The following WNT3 variants were observed in gnomAD, a reference collection of about 807,000 sequenced individuals.
The protein encoded by WNT3 is Wnt family member 3, also known as proto-oncogene Wnt-3.
Under a neutral mutation model 34.2 loss-of-function variants are expected in WNT3, and 7 were observed. The ratio of observed to expected loss-of-function variants is 0.20; its 90% confidence interval spans 0.12 to 0.38. The LOEUF (loss-of-function observed/expected upper bound fraction) is 0.38. WNT3 is among the 10% of genes least tolerant of loss of function. WNT3 has a pLI of 1.00. For synonymous variants in WNT3, 212 were observed against 211.5 expected (o/e 1.00, Z -0.02); for missense variants, 267 against 499.8 (o/e 0.53, Z 4.44).
intron 1 of WNT3, among the ~76,000 whole-genome samples, chr17:46,781,845 T>C (rs2059464414): frequency 6.6e-6 from 1 of 152,212 alleles, no homozygotes; most frequent in Non-Finnish European, 1.5e-5. Flanking sequence ...CCTCTTCCTC[T>C]ATACGGGAAG....
intron 1 of WNT3, among the ~76,000 whole-genome samples, chr17:46,804,353 C>G (rs1486572560): frequency 6.6e-6 from 1 of 152,202 alleles, no homozygotes; most frequent in African/African-American, 2.4e-5. Context: ...TCCCAAAGTG[C>G]TGGGACTACA....
At chr17:46,765,598 G>A (rs894605869) in intron 4 of WNT3, among the ~76,000 whole-genome samples, 5 of 152,226 alleles carry the variant, frequency 3.3e-5, no homozygotes, top group Non-Finnish European at 7.3e-5. Flanking sequence ...AACAGCTAAC[G>A]ACTCTGTCCC....
intron 1 of WNT3, among the ~76,000 whole-genome samples, chr17:46,779,053 TCA>T (rs56965619): frequency 0.012 from 1,166 of 100,640 alleles, 11 homozygotes; most frequent in Middle Eastern, 0.028. Flanking sequence ...CCCTACCCCA[TCA>T]CACACACACA....
At position 46,769,960 on chromosome 17, in the gene WNT3, G is replaced by T; in HGVS notation, c.411C>A (p.Thr137=). The T allele has an allele frequency of 1.2e-6, 2 of 1,612,902 alleles. No homozygotes were observed. The highest frequency in any genetic ancestry group is 8.5e-7 in the Non-Finnish European group (1 of 1,179,696). Residue 137 remains threonine (T), a synonymous_variant, in exon 3 of 5, where the codon ACC becomes ACA. Coordinates refer to ENST00000225512, the MANE Select transcript of WNT3 (RefSeq NM_030753.5). ...VTRSCAEGTS[T]ICGCDSHHKG... is the part of the protein sequence containing the mutation. Reference sequence around the variant, plus strand: ...TATGATGCGAGTCACAGCCGCAAATGGTGGAGGTGCCCTCGGCGCAGGAGC... The same window carrying T: ...TATGATGCGAGTCACAGCCGCAAATTGTGGAGGTGCCCTCGGCGCAGGAGC...
chr17:46,803,553 A>C (rs1015628234), intron 1 of WNT3, among the ~76,000 whole-genome samples: 2 of 152,196 alleles, frequency 1.3e-5, no homozygotes, highest in African/African-American at 4.8e-5. Context: ...AAAGTTAAAC[A>C]ATCATTCTAT....
intron 4 of WNT3, among the ~76,000 whole-genome samples, chr17:46,764,880 G>A (rs2146364077): frequency 6.6e-6 from 1 of 152,338 alleles, no homozygotes; most frequent in Non-Finnish European, 1.5e-5. Flanking sequence ...ACCTCTAGCT[G>A]AGGGCCTTGG....
At chr17:46,790,571 C>T (rs2083971864) in intron 1 of WNT3, among the ~76,000 whole-genome samples, 1 of 152,164 alleles carries the variant, frequency 6.6e-6, no homozygotes, top group African/African-American at 2.4e-5. Flanking sequence ...TCCCCCTGGG[C>T]CCCACCTCCT....
intron 1 of WNT3, among the ~76,000 whole-genome samples, chr17:46,809,319 T>C (rs1390957796): frequency 6.6e-6 from 1 of 152,168 alleles, no homozygotes; most frequent in Non-Finnish European, 1.5e-5. Context: ...CAAGCCCTAT[T>C]TGCATTCCTA....
chr17:46,785,893 G>A (rs1371527199), intron 1 of WNT3, among the ~76,000 whole-genome samples: 11 of 152,188 alleles, frequency 7.2e-5, no homozygotes, highest in African/African-American at 2.7e-4. Flanking sequence ...GGGCTGGAAT[G>A]TTGCAGCTTC....
chr17:46,806,924 G>T (rs1285847626), intron 1 of WNT3, among the ~76,000 whole-genome samples: 1 of 152,198 alleles, frequency 6.6e-6, no homozygotes, highest in East Asian at 1.9e-4. Context: ...GAGAGGGTGG[G>T]TGCTACCTGG....
intron 1 of WNT3, among the ~76,000 whole-genome samples, chr17:46,816,115 A>ACACACACACACACACACGCACG (rs1555689259): frequency 3.8e-5 from 1 of 26,346 alleles, no homozygotes; most frequent in South Asian, 3.5e-3. Context: ...GCGCACGTAC[A>ACACACACACACACACACGCACG]CACACACACA....
chr17:46,785,738 A>G (rs1651797908), intron 1 of WNT3, among the ~76,000 whole-genome samples: 1 of 152,088 alleles, frequency 6.6e-6, no homozygotes, highest in African/African-American at 2.4e-5. Flanking sequence ...CAGGAGCTCA[A>G]AGCCAAGGGT....
Position 46,773,780 on chromosome 17 carries a change from G to A in WNT3, c.210C>T (p.Ala70=), listed in dbSNP as rs933854767. ...CCTGGATGCCCAGCTTCACGCCCTC[G>A]GCCACGCTGGGCATGATCTCGATGT... The part of the protein sequence containing the change: ...RNYIEIMPSV[A]EGVKLGIQEC... Residue 70 remains alanine, a synonymous_variant, in exon 2 of 5, where the codon GCC becomes GCT. Coordinates refer to ENST00000225512, the MANE Select transcript of WNT3 (RefSeq NM_030753.5). 8.7e-6 allele frequency: 14 copies of A among 1,613,324 alleles called. No individual in the cohort carries two copies. Among genetic ancestry groups the A allele is most frequent in the Middle Eastern group, 1.7e-4 (1 of 5,976 alleles).
At chr17:46,799,006 C>G (rs1329323684) in intron 1 of WNT3, among the ~76,000 whole-genome samples, 2 of 149,568 alleles carry the variant, frequency 1.3e-5, no homozygotes, top group African/African-American at 2.5e-5. Context: ...CAAGATCACA[C>G]CACTGTACTC....
chr17:46,801,803 C>T (rs2084128881), intron 1 of WNT3, among the ~76,000 whole-genome samples: 1 of 152,078 alleles, frequency 6.6e-6, no homozygotes, highest in Non-Finnish European at 1.5e-5. Context: ...GTGGGTCTGC[C>T]AAGGGAGGGA....
intron 1 of WNT3, among the ~76,000 whole-genome samples, chr17:46,795,274 C>T (rs907108918): frequency 2.0e-5 from 3 of 152,176 alleles, no homozygotes; most frequent in Admixed American, 1.3e-4. Flanking sequence ...GCCCCTCTAC[C>T]GGCGCCCCAT....
At position 46,803,094 on chromosome 17, in the gene WNT3, A is replaced by G. The variant is rs914708161; in HGVS notation, c.80+15424T>C. ...GAGATCATCAGAATTGAATTGGATTAGAGGACGCTGGCTGATGTCTGCCGC... is the reference window on the plus strand; with the variant it reads ...GAGATCATCAGAATTGAATTGGATTGGAGGACGCTGGCTGATGTCTGCCGC... On this transcript the variant is annotated intron_variant, in intron 1 of 4. Coordinates refer to ENST00000225512, the MANE Select transcript of WNT3 (RefSeq NM_030753.5). Among the ~76,000 whole-genome samples, 3 of 152,308 alleles carry G rather than the reference A, an allele frequency of 2.0e-5. No individual in the cohort carries two copies. In the East Asian group the frequency reaches 5.8e-4, roughly 29 times the overall value.
At chr17:46,787,473 G>A (rs1171117523) in intron 1 of WNT3, among the ~76,000 whole-genome samples, 2 of 152,194 alleles carry the variant, frequency 1.3e-5, no homozygotes, top group Non-Finnish European at 2.9e-5. Context: ...CCAGGGAAGC[G>A]ATGTGCCTTC....
Position 46,789,640 on chromosome 17 carries a change from G to A in WNT3, c.81-15731C>T, listed in dbSNP as rs1851642508. Among the ~76,000 whole-genome samples the A allele has an allele frequency of 2.6e-5, 4 of 152,328 alleles. No homozygotes were observed. The South Asian group carries it at 6.2e-4, about 24-fold the overall frequency. Reference sequence around the variant, plus strand: ...GAGGAACAAACCAAATGACACCATGGGGAAGCAACTGGACAAATTCAGAGC... The same window carrying A: ...GAGGAACAAACCAAATGACACCATGAGGAAGCAACTGGACAAATTCAGAGC... On this transcript the variant is annotated intron_variant, in intron 1 of 4. Transcript: ENST00000225512.
Sources: gnomAD v4.1 joint callset for allele counts (sites outside exome capture counted in the v4.1 genomes callset) on GRCh38, gnomAD v4.1.1 for gene constraint, MANE v1.5 for transcripts, NCBI Gene and HGNC (gene_info 2026-07-23, HGNC 2026-07-21) for gene names.